The following NUDT3 variants were observed in gnomAD, a reference collection of about 807,000 sequenced individuals.
The protein encoded by NUDT3 is diphosphoinositol polyphosphate phosphohydrolase 1.
In NUDT3, 9 loss-of-function variants were observed where a neutral mutation model predicts 23.6. That is an observed-to-expected ratio of 0.38 (90% CI 0.23 to 0.66). The LOEUF (loss-of-function observed/expected upper bound fraction) is 0.66, where lower values mean the gene tolerates loss of function less well. Among genes scored for constraint, NUDT3 ranks in the 30% least tolerant of loss-of-function variants. The probability of loss-of-function intolerance (pLI) is 0.52; values close to 1 mark genes in which losing one functional copy is unlikely to be tolerated. For synonymous variants in NUDT3, 86 were observed against 82.6 expected, an observed-to-expected ratio of 1.04 and a Z score of -0.22; for missense variants, 172 against 218.5, an observed-to-expected ratio of 0.79 and a Z score of 1.34.
chr6:34,314,558 C>CAA (rs397933941), intron 2 of NUDT3, among the ~76,000 whole-genome samples: 348 of 102,458 alleles, frequency 3.4e-3, no homozygotes, highest in Middle Eastern at 5.6e-3. Context: ...GACTCTGTCT[C>CAA]AAAAAAAAAA....
At chr6:34,363,457 A>T (rs1322735073) in intron 1 of NUDT3, among the ~76,000 whole-genome samples, 1 of 152,188 alleles carries the variant, frequency 6.6e-6, no homozygotes, top group Non-Finnish European at 1.5e-5. Context: ...AAATAACTGA[A>T]TTTTTATCCT....
At chr6:34,335,876 C>A (rs1764201556) in intron 2 of NUDT3, among the ~76,000 whole-genome samples, 1 of 151,758 alleles carries the variant, frequency 6.6e-6, no homozygotes, top group Admixed American at 6.6e-5. Context: ...GCCCATACCA[C>A]CAGGCCTGGC....
chr6:34,349,193 G>C (rs1388442374), intron 1 of NUDT3, among the ~76,000 whole-genome samples: 1 of 152,146 alleles, frequency 6.6e-6, no homozygotes, highest in Admixed American at 6.5e-5. Context: ...AGGTTACTTT[G>C]ACATATGTTG....
At chr6:34,338,748 G>A (rs1265326347) in intron 2 of NUDT3, among the ~76,000 whole-genome samples, 2 of 152,162 alleles carry the variant, frequency 1.3e-5, no homozygotes, top group Admixed American at 6.5e-5. Flanking sequence ...TTCTCTAGAG[G>A]GGGATGCTTT....
At chr6:34,372,501 CTTTT>C (rs956377158) in intron 1 of NUDT3, among the ~76,000 whole-genome samples, 2 of 151,362 alleles carry the variant, frequency 1.3e-5, no homozygotes, top group South Asian at 4.2e-4. Flanking sequence ...CCAAGTGTCA[CTTTT>C]TTTTTAAGTG....
chr6:34,337,719 C>G (rs1377252560), intron 2 of NUDT3, among the ~76,000 whole-genome samples: 1 of 152,200 alleles, frequency 6.6e-6, no homozygotes, highest in East Asian at 1.9e-4. Context: ...TTTCCTGAAA[C>G]AGACACAAAT....
chr6:34,295,823 G>T, intron 2 of NUDT3, 138 bp from the exon 3 acceptor site: 1 of 961,016 alleles, frequency 1.0e-6, no homozygotes, highest in Non-Finnish European at 1.6e-6. Context: ...TCTGTGAAGT[G>T]ATACCAGTGT....
intron 1 of NUDT3, among the ~76,000 whole-genome samples, chr6:34,349,144 T>C (rs1764428629): frequency 6.6e-6 from 1 of 152,200 alleles, no homozygotes; most frequent in African/African-American, 2.4e-5. Flanking sequence ...CAAGGGATCC[T>C]CCTGAGTTGG....
At chr6:34,365,285 C>G (rs1470880130) in intron 1 of NUDT3, among the ~76,000 whole-genome samples, 1 of 150,032 alleles carries the variant, frequency 6.7e-6, no homozygotes, top group African/African-American at 2.4e-5. Flanking sequence ...CAAAAATTAG[C>G]CAGGCATGGT....
intron 2 of NUDT3, among the ~76,000 whole-genome samples, chr6:34,329,045 T>C (rs896778117): frequency 2.6e-5 from 4 of 152,272 alleles, no homozygotes; most frequent in African/African-American, 9.6e-5. Flanking sequence ...ACTAAAAAAC[T>C]GGTGACAATG....
intron 1 of NUDT3, among the ~76,000 whole-genome samples, chr6:34,388,373 T>A (rs1765143712): frequency 6.6e-6 from 1 of 152,202 alleles, no homozygotes; most frequent in Admixed American, 6.6e-5. Flanking sequence ...TATACTTATA[T>A]TACTACTGTA....
At chr6:34,379,347 G>C (rs1764975235) in intron 1 of NUDT3, among the ~76,000 whole-genome samples, 1 of 151,918 alleles carries the variant, frequency 6.6e-6, no homozygotes, top group South Asian at 2.1e-4. Flanking sequence ...ATCGCCTCAG[G>C]CCAGGAGTTT....
At chr6:34,391,589 T>C (rs1459436213) in intron 1 of NUDT3, among the ~76,000 whole-genome samples, 1 of 152,214 alleles carries the variant, frequency 6.6e-6, no homozygotes, top group African/African-American at 2.4e-5. Context: ...AATACCGCTT[T>C]TGGTCTTCCC....
rs185236819 is a variant in NUDT3 at position 34,328,258 on chromosome 6, C to A, written c.210+13604G>T. Among the ~76,000 whole-genome samples, 57 of 152,210 alleles carry A rather than the reference C, an allele frequency of 3.7e-4. No individual in the cohort carries two copies. In the East Asian group the frequency reaches 0.01, roughly 28 times the overall value. The stretch of plus-strand genomic sequence containing the variant: ...TGATCACACTGGGTCTTCCCCTTAC[C>A]CCCATCTTTATTTAGGTCTAACTGA... On this transcript the variant is annotated intron_variant, in intron 2 of 4. Coordinates refer to ENST00000607016, the MANE Select transcript of NUDT3 (RefSeq NM_006703.4).
chr6:34,325,881 T>G (rs1232969695), intron 2 of NUDT3, among the ~76,000 whole-genome samples: 2 of 152,254 alleles, frequency 1.3e-5, no homozygotes, highest in Non-Finnish European at 2.9e-5. Flanking sequence ...AAGTGGCATC[T>G]GTCACATCAC....
chr6:34,332,317 A>G (rs1441022453), intron 2 of NUDT3, among the ~76,000 whole-genome samples: 2 of 152,188 alleles, frequency 1.3e-5, no homozygotes, highest in South Asian at 2.1e-4. Flanking sequence ...AAGAGAAAAT[A>G]TATTTACTGT....
intron 1 of NUDT3, among the ~76,000 whole-genome samples, chr6:34,392,017 C>G (rs1202868024): frequency 6.6e-6 from 1 of 152,196 alleles, no homozygotes; most frequent in African/African-American, 2.4e-5. Context: ...CCGAAGCGCT[C>G]CGGCCACAAG....
chr6:34,346,652 T>C (rs1764375193), intron 1 of NUDT3, among the ~76,000 whole-genome samples: 1 of 152,198 alleles, frequency 6.6e-6, no homozygotes, highest in South Asian at 2.1e-4. Flanking sequence ...CCTCATTAGT[T>C]TGTAGCCACA....
intron 2 of NUDT3, among the ~76,000 whole-genome samples, chr6:34,311,072 T>A (rs776286750): frequency 7.3e-5 from 11 of 150,790 alleles, no homozygotes; most frequent in Non-Finnish European, 1.3e-4. Context: ...CAAAAAACTA[T>A]CGCTAACATC....
Sources: allele counts gnomAD v4.1 joint callset (sites outside exome capture counted in the v4.1 genomes callset), GRCh38; gene constraint gnomAD v4.1.1; transcripts MANE v1.5; gene names NCBI Gene and HGNC (gene_info 2026-07-23, HGNC 2026-07-21).